Variants in TBC1D16 observed in about 807,000 individuals in gnomAD.
TBC1D16 encodes CTD-2529O21.1.
A neutral mutation model predicts 74.7 loss-of-function variants in TBC1D16; 58 were observed. The ratio of observed to expected loss-of-function variants is 0.78; its 90% CI spans 0.63 to 0.97. TBC1D16 has a LOEUF of 0.97. TBC1D16 is among the 50% of genes least tolerant of loss of function. The pLI, the probability that TBC1D16 is intolerant of heterozygous loss-of-function variation, is 0.00. For synonymous variants in TBC1D16, 493 were observed against 474.7 expected (o/e 1.04, Z -0.50); for missense variants, 1,014 against 1,079.5 (o/e 0.94, Z 0.85).
chr17:79,944,872 C>G lies in TBC1D16; in HGVS notation c.1908+36G>C. On this transcript the variant is annotated intron_variant, in intron 10 of 11. Transcript: ENST00000310924. This position sits in a 1 kb window ranked among gnomAD's most constrained non-coding sequence, Gnocchi z 7.7. Reference sequence around the variant, plus strand: ...GCCACGGTGGTTCAGGGGCCATGGTCCCAACCTCCCCAGCCCTGGCCCCTG... The same window carrying G: ...GCCACGGTGGTTCAGGGGCCATGGTGCCAACCTCCCCAGCCCTGGCCCCTG... The G allele has an allele frequency of 6.6e-7, 1 of 1,525,936 alleles. No individual in the cohort carries two copies. Among genetic ancestry groups the G allele is most frequent in the Non-Finnish European group, 8.8e-7 (1 of 1,134,938 alleles). 94.5% of individuals were successfully genotyped at this position (1,525,936 alleles called of 1,614,324 possible).
chr17:80,002,589 G>A (rs1200543403), intron 3 of TBC1D16, among the ~76,000 whole-genome samples: 2 of 152,244 alleles, frequency 1.3e-5, no homozygotes, highest in Non-Finnish European at 2.9e-5. Context: ...ACTTTGGACA[G>A]AGAGTTTTTC....
Position 79,971,863 on chromosome 17 carries a change from GTGGCA to G in TBC1D16, c.780-19050_780-19046del, listed in dbSNP as rs1174106045. ...TCTGGAAGGCTTCCTCTCGGAGCAG[GTGGCA>G]TGGGGGCTGGCTGTGGGGGTCTTTG... On this transcript the variant is annotated intron_variant, in intron 3 of 11. Coordinates refer to ENST00000310924, the MANE Select transcript of TBC1D16 (RefSeq NM_019020.4). This position sits in a 1 kb window ranked among gnomAD's most constrained non-coding sequence, Gnocchi z 4.6. 1.3e-5 allele frequency among the ~76,000 whole-genome samples: 2 copies of G among 152,146 alleles called. No homozygotes were observed. Among genetic ancestry groups the G allele is most frequent in the African/African-American group, 4.8e-5 (2 of 41,434 alleles).
rs2034700532 is a variant in TBC1D16, at chr17:79,983,890, AGG to A, written c.779+26268_779+26269del. ...AAAAAATTTAAATTTATTTAGAGAC[AGG>A]GTCATGCTCTGTCACCCATGCTGGA... On this transcript the variant is annotated intron_variant, in intron 3 of 11. Transcript: ENST00000310924. This position sits in a 1 kb window ranked among gnomAD's most constrained non-coding sequence, Gnocchi z 5.6. Among the ~76,000 whole-genome samples the A allele has an allele frequency of 6.6e-6, 1 of 152,202 alleles. No homozygotes were observed.
chr17:79,948,509 G>C (rs942161893), intron 8 of TBC1D16, among the ~76,000 whole-genome samples: 3 of 152,154 alleles, frequency 2.0e-5, no homozygotes, highest in Admixed American at 6.5e-5. Context: ...GAATGTCACA[G>C]ATGCCAGCCT....
intron 1 of TBC1D16, among the ~76,000 whole-genome samples, chr17:80,024,826 G>A (rs1039125133): frequency 5.2e-5 from 7 of 134,022 alleles, no homozygotes; most frequent in East Asian, 2.4e-4. Flanking sequence ...ATAGACACAC[G>A]CACTACATAC....
Position 79,980,004 on chromosome 17 carries a change from G to A in TBC1D16, c.780-27186C>T, listed in dbSNP as rs2034511936. Among the ~76,000 whole-genome samples, 1 of 152,034 alleles carries A rather than the reference G, an allele frequency of 6.6e-6. No individual in the cohort carries two copies. Among genetic ancestry groups the A allele is most frequent in the African/African-American group, 2.4e-5 (1 of 41,388 alleles). ...CCTGCCCAACACGGCTGTGGGCACC[G>A]GTGCCTCCCCAGACCCTCTGGGCAG... On this transcript the variant is annotated intron_variant, in intron 3 of 11. Transcript: ENST00000310924. The surrounding 1 kb of genome is among the most constrained non-coding windows in gnomAD (Gnocchi z 7.0).
rs1598383007 is a variant in TBC1D16, at chr17:79,981,101, C to G, written c.780-28283G>C. Among the ~76,000 whole-genome samples the G allele has an allele frequency of 6.6e-6, 1 of 152,358 alleles. No individual in the cohort carries two copies. The highest frequency in any genetic ancestry group is 1.9e-4 in the East Asian group (1 of 5,192). ...ACACTTGTCACAGCAAAGCTGAATTCTGTATCTAGCCCCTCGTGGCAGCAG... is the reference window on the plus strand; with the variant it reads ...ACACTTGTCACAGCAAAGCTGAATTGTGTATCTAGCCCCTCGTGGCAGCAG... On this transcript the variant is annotated intron_variant, in intron 3 of 11. Transcript: ENST00000310924. The surrounding 1 kb of genome is among the most constrained non-coding windows in gnomAD (Gnocchi z 6.9).
At chr17:79,963,243 C>G (rs997896923) in intron 3 of TBC1D16, among the ~76,000 whole-genome samples, 1 of 151,610 alleles carries the variant, frequency 6.6e-6, no homozygotes, top group Non-Finnish European at 1.5e-5. Flanking sequence ...AAAAAAAGCC[C>G]GATAACTTCC....
At chr17:79,960,801 A>AAAAAAAAAAAAAAAAAAAAAAAAAAC (rs2033570654) in intron 3 of TBC1D16, among the ~76,000 whole-genome samples, 3 of 149,048 alleles carry the variant, frequency 2.0e-5, no homozygotes, top group Non-Finnish European at 3.0e-5. Context: ...AAAAAAAAAA[A>AAAAAAAAAAAAAAAAAAAAAAAAAAC]AAAAAAAACG....
rs546582882 is a variant in TBC1D16, at chr17:80,008,021, TAAAA to T, written c.779+2135_779+2138del. Among the ~76,000 whole-genome samples, 2 of 128,020 alleles carry T rather than the reference TAAAA, an allele frequency of 1.6e-5. No individual in the cohort carries two copies. The highest frequency in any genetic ancestry group is 5.9e-5 in the African/African-American group (2 of 33,914). 84.0% of individuals were successfully genotyped at this position (128,020 alleles called of 152,430 possible). On this transcript the variant is annotated intron_variant, in intron 3 of 11. Coordinates refer to ENST00000310924, the MANE Select transcript of TBC1D16 (RefSeq NM_019020.4). This position sits in a 1 kb window ranked among gnomAD's most constrained non-coding sequence, Gnocchi z 4.5. ...AATACATCCCCACCCTCAGTTGTGATAAAAAAAAAAAAAAAGTGTCTCCTGGCAT... is the reference window on the plus strand; with the variant it reads ...AATACATCCCCACCCTCAGTTGTGATAAAAAAAAAAAGTGTCTCCTGGCAT...
intron 9 of TBC1D16, 34 bp downstream of exon 9, chr17:79,947,611 T>A: frequency 6.2e-7 from 1 of 1,606,014 alleles, no homozygotes. Context: ...GGCCCTCACA[T>A]GCCCTTGGAC....
At chr17:79,999,732 C>T (rs762377226) in intron 3 of TBC1D16, among the ~76,000 whole-genome samples, 2 of 151,702 alleles carry the variant, frequency 1.3e-5, no homozygotes, top group Non-Finnish European at 1.5e-5. Context: ...TTAGTAGAGA[C>T]GGGGTTTCAC....
intron 3 of TBC1D16, among the ~76,000 whole-genome samples, chr17:79,958,824 A>G (rs2033464438): frequency 6.6e-6 from 1 of 151,970 alleles, no homozygotes; most frequent in Admixed American, 6.6e-5. Flanking sequence ...TTTTCCCCCA[A>G]GAGCAGGAAC....
At chr17:79,963,650 T>C (rs1238393801) in intron 3 of TBC1D16, among the ~76,000 whole-genome samples, 1 of 152,216 alleles carries the variant, frequency 6.6e-6, no homozygotes, top group Non-Finnish European at 1.5e-5. Flanking sequence ...TTTGAGGAAC[T>C]GCCATACTGT....
intron 3 of TBC1D16, among the ~76,000 whole-genome samples, chr17:79,984,560 A>AAGAG (rs1555877045): frequency 4.7e-4 from 63 of 132,664 alleles, no homozygotes; most frequent in African/African-American, 1.5e-3. Flanking sequence ...AAAAGAAAGA[A>AAGAG]AGAGAGAGAG....
Position 79,999,700 on chromosome 17 carries a change from G to A in TBC1D16, c.779+10460C>T, listed in dbSNP as rs146648546. Among the ~76,000 whole-genome samples the A allele has an allele frequency of 2.0e-3, 300 of 151,634 alleles. 2 individuals carry two copies. Among genetic ancestry groups the A allele is most frequent in the Admixed American group, 4.3e-3 (66 of 15,218 alleles). On this transcript the variant is annotated intron_variant, in intron 3 of 11. Coordinates refer to ENST00000310924, the MANE Select transcript of TBC1D16 (RefSeq NM_019020.4). The stretch of plus-strand genomic sequence containing the variant: ...TGGAATTACAGGCATCCACCACCAC[G>A]CCTGGCTAATTTTAGTACTTTTTAG...
chr17:79,971,836 G>A lies in TBC1D16; in HGVS notation c.780-19018C>T, dbSNP rs775454191. Among the ~76,000 whole-genome samples, 3 of 152,110 alleles carry A rather than the reference G, an allele frequency of 2.0e-5. No homozygotes were observed. The highest frequency in any genetic ancestry group is 2.9e-5 in the Non-Finnish European group (2 of 68,014). On this transcript the variant is annotated intron_variant, in intron 3 of 11. Transcript: ENST00000310924. The surrounding 1 kb of genome is among the most constrained non-coding windows in gnomAD (Gnocchi z 4.6). ...AGCATCCCACGGGGTAGGGATGGGG[G>A]CTCTGGAAGGCTTCCTCTCGGAGCA...
chr17:79,984,161 A>G (rs1304757112), intron 3 of TBC1D16, among the ~76,000 whole-genome samples: 1 of 152,218 alleles, frequency 6.6e-6, no homozygotes, highest in East Asian at 1.9e-4. Context: ...AGCTGGGACC[A>G]CAGGCATCTG....
chr17:79,973,553 C>CA (rs796935109), intron 3 of TBC1D16, among the ~76,000 whole-genome samples: 224 of 151,566 alleles, frequency 1.5e-3, no homozygotes, highest in African/African-American at 4.8e-3. Context: ...ACTAAAAATA[C>CA]AAAAAAAATA....
Sources: gnomAD v4.1 joint callset for allele counts (sites outside exome capture counted in the v4.1 genomes callset) on GRCh38, gnomAD v4.1.1 for gene constraint, Gnocchi (gnomAD v3.1) non-coding constraint, MANE v1.5 for transcripts, NCBI Gene and HGNC (gene_info 2026-07-23, HGNC 2026-07-21) for gene names.